Variants in PDCD10 observed in about 807,000 individuals in gnomAD.
PDCD10 encodes programmed cell death 10, also known as programmed cell death protein 10.
PDCD10 carries 4 observed loss-of-function variants against 29.2 expected under a neutral mutation model. That is an observed-to-expected ratio of 0.14 (90% CI 0.07 to 0.31). PDCD10 has a LOEUF of 0.31. Ranked by LOEUF, PDCD10 falls within the 10% of genes least tolerant of loss-of-function variation. The pLI is 1.00. For synonymous variants in PDCD10, 70 were observed against 82.2 expected, an observed-to-expected ratio of 0.85 and a Z score of 0.80; for missense variants, 183 against 257.9, an observed-to-expected ratio of 0.71 and a Z score of 1.99.
At chr3:167,724,252 A>G (rs1723865011) in intron 2 of PDCD10, among the ~76,000 whole-genome samples, 1 of 152,234 alleles carries the variant, frequency 6.6e-6, no homozygotes, top group Admixed American at 6.5e-5. Context: ...TTAGAAAAAC[A>G]GCTTTTTAAG....
intron 2 of PDCD10, among the ~76,000 whole-genome samples, chr3:167,725,639 G>T (rs985320358): frequency 6.6e-6 from 1 of 151,228 alleles, no homozygotes; most frequent in Non-Finnish European, 1.5e-5. Context: ...AAGTTAAGTG[G>T]AACCTAACCT....
At chr3:167,700,555 A>G (rs1217727917) in intron 4 of PDCD10, among the ~76,000 whole-genome samples, 1 of 152,134 alleles carries the variant, frequency 6.6e-6, no homozygotes. Flanking sequence ...AAAACCTTGC[A>G]TGTTTTGTGA....
At chr3:167,702,726 A>C (rs1228844078) in intron 4 of PDCD10, among the ~76,000 whole-genome samples, 1 of 152,218 alleles carries the variant, frequency 6.6e-6, no homozygotes, top group Non-Finnish European at 1.5e-5. Context: ...TGAATATAAA[A>C]GATTTTATGA....
chr3:167,711,322 A>C (rs1722499035), intron 3 of PDCD10, among the ~76,000 whole-genome samples: 2 of 152,168 alleles, frequency 1.3e-5, no homozygotes, highest in Non-Finnish European at 2.9e-5. Context: ...AATTTAACAA[A>C]GAGACTGAAA....
In PDCD10 at chr3:167,683,866, T is replaced by C. The variant is rs201381379; in HGVS notation, c.*442A>G. ...ATATATATATATATATATATATATA[T>C]ACACACATATATATATGCATTTTTT... On this transcript the variant is annotated 3_prime_UTR_variant, in exon 9 of 9. Coordinates refer to ENST00000392750, the MANE Select transcript of PDCD10 (RefSeq NM_007217.4). 100 of 137,094 alleles carry C rather than the reference T, an allele frequency of 7.3e-4. No individual in the cohort carries two copies. The highest frequency in any genetic ancestry group is 9.8e-4 in the African/African-American group (33 of 33,826). The allele number at this position is 137,094 out of a possible 1,614,324, so 8.5% of individuals were successfully genotyped here.
intron 8 of PDCD10, among the ~76,000 whole-genome samples, chr3:167,686,840 A>G (rs192898290): frequency 2.8e-3 from 427 of 152,362 alleles, no homozygotes; most frequent in Non-Finnish European, 4.6e-3. Flanking sequence ...GAAGAATATT[A>G]TATGACAGGT....
chr3:167,698,015 A>G, intron 4 of PDCD10: 1 of 456,428 alleles, frequency 2.2e-6, no homozygotes, highest in Non-Finnish European at 4.4e-6. Context: ...ACAATTTACG[A>G]TCTTAATCAG....
intron 2 of PDCD10, among the ~76,000 whole-genome samples, chr3:167,724,892 A>T (rs980440177): frequency 7.2e-5 from 11 of 152,188 alleles, no homozygotes; most frequent in African/African-American, 2.7e-4. Context: ...GGTCCTCCCC[A>T]AGAGTTGGTT....
At chr3:167,723,556 A>G (rs1723792630) in intron 2 of PDCD10, among the ~76,000 whole-genome samples, 1 of 152,234 alleles carries the variant, frequency 6.6e-6, no homozygotes, top group Non-Finnish European at 1.5e-5. Context: ...CCGAAGTACA[A>G]AAAGGATGTA....
intron 6 of PDCD10, 46 bp downstream of exon 6, chr3:167,695,550 G>C: frequency 6.4e-7 from 1 of 1,572,170 alleles, no homozygotes; most frequent in Non-Finnish European, 8.8e-7. Flanking sequence ...GTAGTTCCTC[G>C]GAAGTACTTT....
At chr3:167,720,037 G>C in intron 3 of PDCD10, 25 bp downstream of exon 3, 1 of 1,340,006 alleles carries the variant, frequency 7.5e-7, no homozygotes, top group Non-Finnish European at 1.1e-6. Context: ...CAGAGTTCAT[G>C]CAAGAACATG....
At chr3:167,696,162 T>C (rs933405300) in intron 5 of PDCD10, among the ~76,000 whole-genome samples, 5 of 152,192 alleles carry the variant, frequency 3.3e-5, no homozygotes, top group Admixed American at 3.3e-4. Flanking sequence ...ATATTTAATA[T>C]ACATTGCTTC....
chr3:167,730,263 A>G (rs1207950686), intron 2 of PDCD10, among the ~76,000 whole-genome samples: 1 of 152,126 alleles, frequency 6.6e-6, no homozygotes, highest in Non-Finnish European at 1.5e-5. Flanking sequence ...GCAGCTTACT[A>G]TAATATTTCA....
intron 3 of PDCD10, among the ~76,000 whole-genome samples, chr3:167,717,680 A>G (rs1723154982): frequency 6.6e-6 from 1 of 151,980 alleles, no homozygotes; most frequent in South Asian, 2.1e-4. Context: ...ACATTATTTT[A>G]CTCCACTCCC....
intron 8 of PDCD10, among the ~76,000 whole-genome samples, chr3:167,685,396 CAAAAAAAAAAAAA>C (rs1184281849): frequency 8.9e-5 from 5 of 55,978 alleles, no homozygotes; most frequent in African/African-American, 2.9e-4. Context: ...ACTCTGTCTC[CAAAAAAAAAAAAA>C]AAAAAAAAAA....
chr3:167,688,562 T>C (rs980612635), intron 6 of PDCD10, among the ~76,000 whole-genome samples: 7 of 152,192 alleles, frequency 4.6e-5, no homozygotes, highest in Admixed American at 1.3e-4. Context: ...CTAGCCCCTT[T>C]TGATTTCCAC....
chr3:167,705,249 T>A (rs1721863410), intron 3 of PDCD10, among the ~76,000 whole-genome samples: 1 of 152,182 alleles, frequency 6.6e-6, no homozygotes, highest in South Asian at 2.1e-4. Flanking sequence ...TAATTCCATT[T>A]GTAAAGAGTT....
intron 6 of PDCD10, among the ~76,000 whole-genome samples, chr3:167,689,876 T>G (rs1438670713): frequency 1.3e-5 from 2 of 152,174 alleles, no homozygotes; most frequent in African/African-American, 4.8e-5. Flanking sequence ...TCTGCAGCAA[T>G]GTATGTCAAA....
intron 4 of PDCD10, among the ~76,000 whole-genome samples, chr3:167,701,360 A>G (rs1721410001): frequency 6.6e-6 from 1 of 152,146 alleles, no homozygotes; most frequent in African/African-American, 2.4e-5. Flanking sequence ...ACACACATAT[A>G]TATGTATTGT....
Sources: gnomAD v4.1 joint callset for allele counts (sites outside exome capture counted in the v4.1 genomes callset) on GRCh38, gnomAD v4.1.1 for gene constraint, MANE v1.5 for transcripts, NCBI Gene and HGNC (gene_info 2026-07-23, HGNC 2026-07-21) for gene names.